SGSM1: variants seen among roughly 807,000 people sequenced by gnomAD.
SGSM1 encodes small G protein signaling modulator 1, also known as RUN and TBC1 domain containing 2.
In SGSM1, 73 loss-of-function variants were observed where a neutral mutation model predicts 133.8. That is an observed-to-expected ratio of 0.55 (90% CI 0.45 to 0.66). The LOEUF (loss-of-function observed/expected upper bound fraction) is 0.66, where lower values mean the gene tolerates loss of function less well. Ranked by LOEUF, SGSM1 falls within the 30% of genes least tolerant of loss-of-function variation. SGSM1 has a pLI of 0.00. For synonymous variants in SGSM1, 563 were observed against 573.0 expected, an observed-to-expected ratio of 0.98 and a Z score of 0.25; for missense variants, 1,213 against 1,448.1, an observed-to-expected ratio of 0.84 and a Z score of 2.64.
intron 2 of SGSM1, among the ~76,000 whole-genome samples, chr22:24,815,315 A>G (rs886357164): frequency 2.6e-5 from 4 of 152,164 alleles, no homozygotes; most frequent in Non-Finnish European, 5.9e-5. Flanking sequence ...TGAGATAAGT[A>G]TTGCCCGGGA....
intron 2 of SGSM1, among the ~76,000 whole-genome samples, chr22:24,826,901 C>T (rs868316028): frequency 2.1e-4 from 32 of 152,236 alleles, no homozygotes; most frequent in African/African-American, 7.2e-4. Flanking sequence ...GTACCATCCC[C>T]GTTACACAGA....
rs1934189169 is a variant in SGSM1 at position 24,925,963 on chromosome 22, C to T, written c.*1689C>T. 1 of 152,196 alleles carries T rather than the reference C, an allele frequency of 6.6e-6. No homozygotes were observed. Among genetic ancestry groups the T allele is most frequent in the African/African-American group, 2.4e-5 (1 of 41,416 alleles). The allele number at this position is 152,196 out of a possible 1,614,324, so 9.4% of individuals were successfully genotyped here. ...CCCGCTCTTCTGTTCTGAGAATGCA[C>T]CCGGAATGGGGGAAACCCAGCAAGC... On this transcript the variant is annotated 3_prime_UTR_variant, in exon 25 of 25. Transcript: ENST00000400358.
intron 2 of SGSM1, among the ~76,000 whole-genome samples, chr22:24,832,795 C>A (rs1488355599): frequency 6.6e-6 from 1 of 152,212 alleles, no homozygotes; most frequent in African/African-American, 2.4e-5. Flanking sequence ...GATGGAAATC[C>A]AAGATCAAGG....
intron 20 of SGSM1, 130 bp downstream of exon 20, chr22:24,902,087 A>G: frequency 1.0e-6 from 1 of 952,928 alleles, no homozygotes. Context: ...AATCTTACTT[A>G]GCCCACAGTG....
chr22:24,858,635 C>CAAAAAAAAAAAAAAAA (rs139699), intron 8 of SGSM1, among the ~76,000 whole-genome samples: 37 of 83,018 alleles, frequency 4.5e-4, no homozygotes, highest in African/African-American at 1.3e-3. Flanking sequence ...GACTCCATCT[C>CAAAAAAAAAAAAAAAA]AAAAAAAAAA....
chr22:24,889,653 G>A (rs982446916), intron 16 of SGSM1, among the ~76,000 whole-genome samples: 36 of 140,670 alleles, frequency 2.6e-4, no homozygotes, highest in African/African-American at 6.0e-4. Context: ...GCCTTAAATT[G>A]ATTTTTTTTT....
At chr22:24,830,738 AT>A (rs1205231324) in intron 2 of SGSM1, among the ~76,000 whole-genome samples, 1 of 60,694 alleles carries the variant, frequency 1.6e-5, no homozygotes, top group Non-Finnish European at 3.9e-5. Context: ...TTGAGCGTGC[AT>A]GAGAATCACC....
chr22:24,921,954 G>T (rs999615409), intron 24 of SGSM1, among the ~76,000 whole-genome samples: 3 of 151,984 alleles, frequency 2.0e-5, no homozygotes, highest in African/African-American at 7.2e-5. Flanking sequence ...GCCCACCTCA[G>T]CTTCCCAAAG....
chr22:24,859,760 G>C lies in SGSM1; in HGVS notation c.846G>C (p.Gln282His), dbSNP rs1366992299. ...TGCCAGGGTACCTGTCCCTGCACCAGACGGCTGACGTCATGACCTTGAAGT... is the reference window on the plus strand; with the variant it reads ...TGCCAGGGTACCTGTCCCTGCACCACACGGCTGACGTCATGACCTTGAAGT... Reference protein sequence around the residue: ...EAVPGYLSLHQTADVMTLKWT... With the variant: ...EAVPGYLSLHHTADVMTLKWT... Residue 282 changes from glutamine (Q) to histidine (H), a missense_variant, in exon 9 of 25, where the codon CAG becomes CAC. Coordinates refer to ENST00000400358, the MANE Select transcript of SGSM1 (RefSeq NM_001098497.3). The C allele has an allele frequency of 9.3e-6, 15 of 1,613,860 alleles. No homozygotes were observed. The highest frequency in any genetic ancestry group is 1.3e-5 in the Non-Finnish European group (15 of 1,179,896).
chr22:24,808,889 T>C (rs1202373449), intron 2 of SGSM1, among the ~76,000 whole-genome samples: 3 of 152,130 alleles, frequency 2.0e-5, no homozygotes, highest in Non-Finnish European at 4.4e-5. Context: ...CCAGGTCTTT[T>C]TGATGTCAGA....
intron 21 of SGSM1, among the ~76,000 whole-genome samples, chr22:24,908,894 T>C (rs529786638): frequency 1.2e-4 from 18 of 152,002 alleles, no homozygotes; most frequent in Non-Finnish European, 2.4e-4. Flanking sequence ...TGCAAATGGC[T>C]AATATGCAAA....
At chr22:24,852,312 T>G (rs1930529310) in intron 5 of SGSM1, among the ~76,000 whole-genome samples, 1 of 152,204 alleles carries the variant, frequency 6.6e-6, no homozygotes, top group South Asian at 2.1e-4. Context: ...TTAACGCATG[T>G]GTAGTTTCAT....
intron 22 of SGSM1, among the ~76,000 whole-genome samples, chr22:24,913,885 G>A (rs191010008): frequency 6.6e-5 from 10 of 152,030 alleles, no homozygotes; most frequent in Non-Finnish European, 1.0e-4. Flanking sequence ...GCCGGGGTGC[G>A]GTGGCTCATG....
chr22:24,811,368 C>G (rs1256032014), intron 2 of SGSM1, among the ~76,000 whole-genome samples: 1 of 151,850 alleles, frequency 6.6e-6, no homozygotes, highest in Admixed American at 6.6e-5. Context: ...ATGTACTGTT[C>G]TTGAACAACT....
chr22:24,890,572 G>A (rs1433148126), intron 16 of SGSM1, among the ~76,000 whole-genome samples: 4 of 151,804 alleles, frequency 2.6e-5, no homozygotes, highest in Non-Finnish European at 4.4e-5. Flanking sequence ...GTGGAGTCTC[G>A]CTCTGTTGCC....
intron 5 of SGSM1, among the ~76,000 whole-genome samples, chr22:24,852,682 A>T (rs1930550156): frequency 6.6e-6 from 1 of 152,132 alleles, no homozygotes; most frequent in African/African-American, 2.4e-5. Flanking sequence ...GCCTCAGGTG[A>T]TGCTCCCACC....
chr22:24,831,325 AGG>A (rs35025416), intron 2 of SGSM1, among the ~76,000 whole-genome samples: 1 of 152,024 alleles, frequency 6.6e-6, no homozygotes, highest in Admixed American at 6.6e-5. Flanking sequence ...GGGAGTTCCA[AGG>A]GGAGCTGGGA....
At chr22:24,828,968 C>T (rs1288216442) in intron 2 of SGSM1, among the ~76,000 whole-genome samples, 2 of 151,970 alleles carry the variant, frequency 1.3e-5, no homozygotes, top group South Asian at 2.1e-4. Flanking sequence ...CTGAGGCAGG[C>T]GGAACATGAG....
At chr22:24,849,275 C>T (rs1357475805) in intron 4 of SGSM1, among the ~76,000 whole-genome samples, 1 of 151,502 alleles carries the variant, frequency 6.6e-6, no homozygotes, top group African/African-American at 2.4e-5. Flanking sequence ...GAGTTGCGGC[C>T]AGGTGCGGTG....
Sources: allele counts gnomAD v4.1 joint callset (sites outside exome capture counted in the v4.1 genomes callset), GRCh38; gene constraint gnomAD v4.1.1; transcripts MANE v1.5; gene names NCBI Gene and HGNC (gene_info 2026-07-23, HGNC 2026-07-21).